The following MAGI2 variants were observed in gnomAD, a reference collection of about 807,000 sequenced individuals.
MAGI2 encodes the protein membrane associated guanylate kinase, WW and PDZ domain containing 2, also known as membrane-associated guanylate kinase, WW and PDZ domain-containing protein 2.
A neutral mutation model predicts 133.3 loss-of-function variants in MAGI2; 35 were observed. That is an observed-to-expected ratio of 0.26 (90% CI 0.20 to 0.35). MAGI2 has a LOEUF of 0.35. Ranked by LOEUF, MAGI2 falls within the 10% of genes least tolerant of loss-of-function variation. The pLI is 1.00. For missense variants in MAGI2, 1,636 were observed against 1,863.4 expected, an observed-to-expected ratio of 0.88 and a Z score of 2.25; for synonymous variants, 729 against 710.6, an observed-to-expected ratio of 1.03 and a Z score of -0.41.
chr7:79,425,549 T>A (rs1290555615), intron 1 of MAGI2, among the ~76,000 whole-genome samples: 3 of 145,580 alleles, frequency 2.1e-5, no homozygotes, highest in Non-Finnish European at 4.5e-5. Flanking sequence ...ATTAGTTTAG[T>A]CAGAACTGTT....
At chr7:78,655,637 AAAC>A (rs1812155511) in intron 2 of MAGI2, among the ~76,000 whole-genome samples, 1 of 152,068 alleles carries the variant, frequency 6.6e-6, no homozygotes, top group Non-Finnish European at 1.5e-5. Context: ...ATAGCAATTT[AAAC>A]AATAATAAAA....
At chr7:78,995,565 CAT>C (rs1806211474) in intron 2 of MAGI2, among the ~76,000 whole-genome samples, 1 of 151,996 alleles carries the variant, frequency 6.6e-6, no homozygotes, top group African/African-American at 2.4e-5. Flanking sequence ...GATAATTATC[CAT>C]ATGTTTTTTC....
chr7:79,453,128 GCTC>G lies in MAGI2; in HGVS notation c.190_192del (p.Glu64del). The G allele has an allele frequency of 6.2e-7, 1 of 1,613,932 alleles. No homozygotes were observed. The highest frequency in any genetic ancestry group is 1.1e-5 in the South Asian group (1 of 91,074). On this transcript the variant is annotated inframe_deletion, in exon 1 of 22. Transcript: ENST00000354212. ...GGGGTCTCGTTCACCTCCAGCAGCA[GCTC>G]CTCCGACACCAATTTGCTGCCGCTC...
Position 78,362,982 on chromosome 7 carries a change from G to A in MAGI2, c.1103+6174C>T, listed in dbSNP as rs148469135. Among the ~76,000 whole-genome samples the A allele has an allele frequency of 2.5e-3, 380 of 152,184 alleles. 2 individuals are homozygous for A. The highest frequency in any genetic ancestry group is 8.8e-3 in the African/African-American group (367 of 41,496). On this transcript the variant is annotated intron_variant, in intron 7 of 21. Transcript: ENST00000354212. ...TTTGTACATGTTGTGACTGTCATCC[G>A]GGATGATGGATGTAAAAGCATATTA...
chr7:78,041,966 G>A (rs777305342), intron 21 of MAGI2, among the ~76,000 whole-genome samples: 8 of 152,186 alleles, frequency 5.3e-5, no homozygotes, highest in Admixed American at 1.3e-4. Context: ...AGACACAGGG[G>A]TCTGCCGCAT....
At chr7:78,979,009 A>G (rs1804546844) in intron 2 of MAGI2, among the ~76,000 whole-genome samples, 1 of 151,916 alleles carries the variant, frequency 6.6e-6, no homozygotes. Context: ...AGAAAGCATT[A>G]ATAATCCATG....
rs369894988 is a variant in MAGI2, at chr7:79,207,043, G to C, written c.302-199837C>G. 2.5e-4 allele frequency among the ~76,000 whole-genome samples: 38 copies of C among 151,824 alleles called. 1 individual carries two copies. Among genetic ancestry groups the C allele is most frequent in the African/African-American group, 8.7e-4 (36 of 41,268 alleles). On this transcript the variant is annotated intron_variant, in intron 1 of 21. Coordinates refer to ENST00000354212, the MANE Select transcript of MAGI2 (RefSeq NM_012301.4). ...GACAATGAAAATTCTCAACAAATTA[G>C]GTACAGAAGATCCCTTCTATAGTCC...
At position 78,817,005 on chromosome 7, in the gene MAGI2, C is replaced by T. The variant is rs117743804; in HGVS notation, c.419-189766G>A. On this transcript the variant is annotated intron_variant, in intron 2 of 21. Coordinates refer to ENST00000354212, the MANE Select transcript of MAGI2 (RefSeq NM_012301.4). ...TGAAAATATTCTGGAAAGGATTCAC[C>T]ATTAAGAACATTCATGATTCATGGG... Among the ~76,000 whole-genome samples, 1,179 of 152,314 alleles carry T rather than the reference C, an allele frequency of 7.7e-3. 41 individuals carry two copies. The highest frequency in any genetic ancestry group is 0.051 in the Admixed American group (782 of 15,300).
chr7:79,404,017 C>G (rs1269259263), intron 1 of MAGI2, among the ~76,000 whole-genome samples: 5 of 152,146 alleles, frequency 3.3e-5, no homozygotes, highest in African/African-American at 9.7e-5. Context: ...CTCTACTTAA[C>G]TCTCCTGTCT....
intron 2 of MAGI2, among the ~76,000 whole-genome samples, chr7:78,719,887 G>C (rs1820097695): frequency 6.6e-6 from 1 of 152,090 alleles, no homozygotes; most frequent in African/African-American, 2.4e-5. Flanking sequence ...GAGGTGATAT[G>C]CAACTCCAGT....
chr7:79,026,509 G>C (rs1324595503), intron 1 of MAGI2, among the ~76,000 whole-genome samples: 2 of 152,122 alleles, frequency 1.3e-5, no homozygotes, highest in Non-Finnish European at 2.9e-5. Context: ...TATCTGATAA[G>C]GGGTTAATAC....
chr7:78,395,412 G>A lies in MAGI2; in HGVS notation c.1046-26199C>T, dbSNP rs568858461. Among the ~76,000 whole-genome samples the A allele has an allele frequency of 7.9e-5, 12 of 152,290 alleles. No homozygotes were observed. The South Asian group carries it at 2.3e-3, about 29-fold the overall frequency. ...GATTCAATCCCAACAGAAAATTGGG[G>A]TTTCCTTCAGCTTTTGGTTTCTTTA... On this transcript the variant is annotated intron_variant, in intron 6 of 21. Transcript: ENST00000354212.
chr7:79,330,180 C>CTTTTTTTTTT (rs544172383), intron 1 of MAGI2, among the ~76,000 whole-genome samples: 1 of 59,156 alleles, frequency 1.7e-5, no homozygotes, highest in Non-Finnish European at 2.8e-5. Flanking sequence ...CAATCTGCAT[C>CTTTTTTTTTT]TTTTTTTTTT....
At chr7:78,618,977 C>T (rs1425958673) in intron 3 of MAGI2, 1 of 109,906 alleles carries the variant, frequency 9.1e-6, no homozygotes, top group African/African-American at 3.6e-5. Context: ...TGACTATAGT[C>T]ATCATGGATT....
intron 3 of MAGI2, among the ~76,000 whole-genome samples, chr7:78,573,980 G>A (rs992896476): frequency 6.6e-6 from 1 of 152,092 alleles, no homozygotes; most frequent in African/African-American, 2.4e-5. Flanking sequence ...TATGCCCATG[G>A]CTATGTATAC....
intron 9 of MAGI2, among the ~76,000 whole-genome samples, chr7:78,298,064 T>TATG (rs1562779706): frequency 6.6e-6 from 1 of 152,086 alleles, no homozygotes; most frequent in African/African-American, 2.4e-5. Flanking sequence ...ATACTTTCGA[T>TATG]ATGATGTGAT....
intron 14 of MAGI2, among the ~76,000 whole-genome samples, chr7:78,172,404 C>A (rs888742614): frequency 6.6e-6 from 1 of 152,212 alleles, no homozygotes; most frequent in African/African-American, 2.4e-5. Context: ...CTAGGTCTGT[C>A]ATCGTCTGTC....
At position 79,387,304 on chromosome 7, in the gene MAGI2, G is replaced by A. The variant is rs573608717; in HGVS notation, c.301+65716C>T. On this transcript the variant is annotated intron_variant, in intron 1 of 21. Transcript: ENST00000354212. ...TTTTCTACTTTCCTCTTGCTTTTCT[G>A]TGTAGACCATAGTCACTTCCTCCAC... 3.3e-5 allele frequency among the ~76,000 whole-genome samples: 5 copies of A among 152,004 alleles called. No homozygotes were observed. The East Asian group carries it at 7.8e-4, about 24-fold the overall frequency.
rs937011768 is a variant in MAGI2, at chr7:78,228,399, T to C, written c.2048-27206A>G. On this transcript the variant is annotated intron_variant, in intron 10 of 21. Transcript: ENST00000354212. ...AGAAATGAAGGCTATTAACCAATAGTTGTGGCTCACCACATCTAGAATGGT... is the reference window on the plus strand; with the variant it reads ...AGAAATGAAGGCTATTAACCAATAGCTGTGGCTCACCACATCTAGAATGGT... 2.0e-5 allele frequency among the ~76,000 whole-genome samples: 3 copies of C among 152,200 alleles called. No individual in the cohort carries two copies. In the East Asian group the frequency reaches 5.8e-4, roughly 29 times the overall value.
Sources: gnomAD v4.1 joint callset for allele counts (sites outside exome capture counted in the v4.1 genomes callset) on GRCh38, gnomAD v4.1.1 for gene constraint, MANE v1.5 for transcripts, NCBI Gene and HGNC (gene_info 2026-07-23, HGNC 2026-07-21) for gene names.